SRD5A2: variants seen among roughly 807,000 people sequenced by gnomAD.
The protein encoded by SRD5A2 is steroid 5 alpha-reductase 2.
In SRD5A2, 30 loss-of-function variants were observed where a neutral mutation model predicts 27.4. The ratio of observed to expected loss-of-function variants is 1.10; its 90% CI spans 0.82 to 1.49. The LOEUF is 1.49. SRD5A2 is among the 40% of genes most tolerant of loss of function. SRD5A2 has a pLI of 0.00. For missense variants in SRD5A2, 348 were observed against 323.4 expected (o/e 1.08, Z -0.58); for synonymous variants, 141 against 133.6 (o/e 1.06, Z -0.38).
At chr2:31,570,100 C>T (rs944278612) in intron 1 of SRD5A2, among the ~76,000 whole-genome samples, 1 of 151,906 alleles carries the variant, frequency 6.6e-6, no homozygotes, top group African/African-American at 2.4e-5. Flanking sequence ...GGCCAATATC[C>T]CTGATGAACA....
Position 31,570,916 on chromosome 2 carries a change from A to C in SRD5A2, c.281+9704T>G, listed in dbSNP as rs539593257. Among the ~76,000 whole-genome samples the C allele has an allele frequency of 2.0e-5, 3 of 152,380 alleles. No individual in the cohort carries two copies. In the East Asian group the frequency reaches 5.8e-4, roughly 29 times the overall value. On this transcript the variant is annotated intron_variant, in intron 1 of 4. Coordinates refer to ENST00000622030, the MANE Select transcript of SRD5A2 (RefSeq NM_000348.4). ...AAACATTCCATGCTCATGGATAGAA[A>C]GAATCAATATTGTTAAAATGGCCAT...
At chr2:31,551,824 G>A (rs1666385647) in intron 1 of SRD5A2, among the ~76,000 whole-genome samples, 1 of 152,116 alleles carries the variant, frequency 6.6e-6, no homozygotes, top group African/African-American at 2.4e-5. Context: ...AAGACTATGT[G>A]CTGTTGGTGG....
At chr2:31,624,015 T>C in the SRD5A2 span, among the ~76,000 whole-genome samples, 4 of 152,172 alleles carry the variant, frequency 2.6e-5, no homozygotes, top group East Asian at 3.8e-4. Flanking sequence ...CAGTATTTTA[T>C]TGAGGATTTT....
At chr2:31,569,670 CAAAAAACA>C (rs1173391667) in intron 1 of SRD5A2, among the ~76,000 whole-genome samples, 3 of 91,186 alleles carry the variant, frequency 3.3e-5, no homozygotes, top group Non-Finnish European at 4.6e-5. Context: ...ATGCAAAAAA[CAAAAAACA>C]AAAAAAAAAA....
the SRD5A2 span, among the ~76,000 whole-genome samples, chr2:31,588,438 A>T: frequency 6.5e-3 from 995 of 152,324 alleles, 13 homozygotes; most frequent in African/African-American, 0.023. Context: ...CACAGTAGAA[A>T]CCTTACCTTA....
chr2:31,589,618 T>A, the SRD5A2 span, among the ~76,000 whole-genome samples: 2 of 152,150 alleles, frequency 1.3e-5, no homozygotes, highest in Non-Finnish European at 2.9e-5. Context: ...CCTGGCCTCA[T>A]CTCACAGAGA....
chr2:31,659,273 A>T, the SRD5A2 span, among the ~76,000 whole-genome samples: 1 of 152,290 alleles, frequency 6.6e-6, no homozygotes, highest in Non-Finnish European at 1.5e-5. Flanking sequence ...AACCAGAATA[A>T]GACAAGGATG....
chr2:31,560,014 T>TA (rs1558368944), intron 1 of SRD5A2, among the ~76,000 whole-genome samples: 2 of 151,746 alleles, frequency 1.3e-5, no homozygotes, highest in African/African-American at 4.8e-5. Context: ...CATCACTTTT[T>TA]AAAAAATTGT....
the SRD5A2 span, among the ~76,000 whole-genome samples, chr2:31,615,410 T>C: frequency 1.3e-5 from 2 of 152,186 alleles, no homozygotes; most frequent in African/African-American, 2.4e-5. Flanking sequence ...GAGGAGCTAG[T>C]TGGGAACTGG....
chr2:31,607,638 C>T, the SRD5A2 span, among the ~76,000 whole-genome samples: 1 of 152,032 alleles, frequency 6.6e-6, no homozygotes, highest in Admixed American at 6.6e-5. Context: ...TAAAGTTCTT[C>T]TGGCTAAAAG....
chr2:31,650,558 A>G, the SRD5A2 span, among the ~76,000 whole-genome samples: 1 of 152,224 alleles, frequency 6.6e-6, no homozygotes, highest in African/African-American at 2.4e-5. Flanking sequence ...TTTTAGTTCC[A>G]TAAGCTGACA....
Position 31,533,602 on chromosome 2 carries a change from C to T in SRD5A2, c.445+1G>A, listed in dbSNP as rs1349178543. 1 of 1,551,442 alleles carries T rather than the reference C, an allele frequency of 6.4e-7. No individual in the cohort carries two copies. Among genetic ancestry groups the T allele is most frequent in the South Asian group, 1.2e-5 (1 of 84,018 alleles). On this transcript the variant is annotated splice_donor_variant, in intron 2 of 4. Transcript: ENST00000622030. LOFTEE classifies it high-confidence loss of function. The stretch of plus-strand genomic sequence containing the variant: ...GGTGAGAAGTGGGCAGATTCACTTA[C>T]CCAAGCTAAACCGTATGTCTGTGTA...
the SRD5A2 span, among the ~76,000 whole-genome samples, chr2:31,594,215 A>T: frequency 6.6e-6 from 1 of 152,224 alleles, no homozygotes. Context: ...CTAACGTTGA[A>T]GGCAAAGTGG....
the SRD5A2 span, among the ~76,000 whole-genome samples, chr2:31,630,216 A>T: frequency 6.6e-6 from 1 of 152,222 alleles, no homozygotes; most frequent in East Asian, 1.9e-4. Context: ...ATAACCCAGT[A>T]CTTTAACAAC....
chr2:31,647,695 T>C, the SRD5A2 span, among the ~76,000 whole-genome samples: 1 of 152,222 alleles, frequency 6.6e-6, no homozygotes, highest in Admixed American at 6.5e-5. Flanking sequence ...CCAGTTTTGA[T>C]GTGTCCTTCC....
intron 1 of SRD5A2, among the ~76,000 whole-genome samples, chr2:31,545,614 G>A (rs950252576): frequency 5.9e-5 from 9 of 152,080 alleles, no homozygotes; most frequent in African/African-American, 1.7e-4. Context: ...CAAAGCAAAC[G>A]TACTCAAAGA....
chr2:31,622,163 C>T, the SRD5A2 span, among the ~76,000 whole-genome samples: 2 of 151,982 alleles, frequency 1.3e-5, no homozygotes, highest in Non-Finnish European at 2.9e-5. Flanking sequence ...TTGTTTTCCC[C>T]CATGTGTCCA....
the SRD5A2 span, among the ~76,000 whole-genome samples, chr2:31,629,061 A>C: frequency 6.6e-6 from 1 of 152,266 alleles, no homozygotes. Flanking sequence ...TGTTTAAACT[A>C]GGGTGGTGCT....
chr2:31,527,557 A>G (rs980825587), intron 4 of SRD5A2: 3 of 152,210 alleles, frequency 2.0e-5, no homozygotes, highest in African/African-American at 7.2e-5. Context: ...CAGCAGCTGG[A>G]AACGTCTGGT....
Sources: allele counts gnomAD v4.1 joint callset (sites outside exome capture counted in the v4.1 genomes callset), GRCh38; gene constraint gnomAD v4.1.1; transcripts MANE v1.5; gene names NCBI Gene and HGNC (gene_info 2026-07-23, HGNC 2026-07-21).